Variants in UGT1A8 observed in about 807,000 individuals in gnomAD.
The protein encoded by UGT1A8 is UDP glucuronosyltransferase family 1 member A8, also known as UDP-glucuronosyltransferase 1A8.
Under a neutral mutation model 45.3 loss-of-function variants are expected in UGT1A8, and 39 were observed. The observed-to-expected ratio is 0.86, with a 90% CI of 0.67 to 1.12. UGT1A8 has a LOEUF of 1.12. Among genes scored for constraint, UGT1A8 ranks in the 50% most tolerant of loss-of-function variants. The pLI, the probability that UGT1A8 is intolerant of heterozygous loss-of-function variation, is 0.00. For synonymous variants in UGT1A8, 275 were observed against 249.2 expected, an observed-to-expected ratio of 1.10 and a Z score of -0.97; for missense variants, 719 against 664.9, an observed-to-expected ratio of 1.08 and a Z score of -0.90.
intron 1 of UGT1A8, chr2:233,691,042 C>T (rs1369045618): frequency 5.1e-6 from 5 of 989,126 alleles, no homozygotes; most frequent in South Asian, 9.3e-5. Flanking sequence ...CCAACGTCCA[C>T]AGCAGAGTGG....
At chr2:233,689,825 A>G (rs910686008) in intron 1 of UGT1A8, 10 of 450,432 alleles carry the variant, frequency 2.2e-5, no homozygotes, top group Non-Finnish European at 3.5e-5. Flanking sequence ...ACATCTCTGG[A>G]CTCTAACTTT....
intron 1 of UGT1A8, chr2:233,743,659 G>A (rs1692418215): frequency 1.5e-6 from 2 of 1,367,268 alleles, no homozygotes; most frequent in Non-Finnish European, 2.0e-6. Context: ...CGTACTCGAA[G>A]GGGTCCTCGA....
intron 1 of UGT1A8, chr2:233,760,624 T>G (rs1305127348): frequency 6.2e-7 from 1 of 1,614,172 alleles, no homozygotes; most frequent in Non-Finnish European, 8.5e-7. Flanking sequence ...GATCAAAACA[T>G]ACAAGAAAAT....
chr2:233,681,969 C>T (rs1307548052), intron 1 of UGT1A8: 9 of 1,613,970 alleles, frequency 5.6e-6, no homozygotes, highest in East Asian at 4.5e-5. Context: ...GGCCTCCTTC[C>T]CCTATATGTG....
chr2:233,634,955 A>G (rs2073252752), intron 1 of UGT1A8, among the ~76,000 whole-genome samples: 1 of 150,270 alleles, frequency 6.7e-6, no homozygotes, highest in African/African-American at 2.5e-5. Flanking sequence ...TTTTCTTTCC[A>G]TATTTAGTGC....
At chr2:233,672,569 T>C (rs928468455) in intron 1 of UGT1A8, 1 of 1,613,966 alleles carries the variant, frequency 6.2e-7, no homozygotes. Context: ...AACCACATCA[T>C]GCACTTGGAG....
chr2:233,746,266 G>A (rs573360161), intron 1 of UGT1A8, among the ~76,000 whole-genome samples: 7 of 151,810 alleles, frequency 4.6e-5, no homozygotes, highest in South Asian at 4.1e-4. Context: ...AGAACAAAAC[G>A]CTGTGGGGAT....
At chr2:233,761,241 A>G in intron 1 of UGT1A8, 1 of 1,611,640 alleles carries the variant, frequency 6.2e-7, no homozygotes, top group Non-Finnish European at 8.5e-7. Context: ...TATGCTGAGC[A>G]AGCATTCTGA....
chr2:233,720,226 G>A (rs989732732), intron 1 of UGT1A8, among the ~76,000 whole-genome samples: 1 of 152,194 alleles, frequency 6.6e-6, no homozygotes, highest in South Asian at 2.1e-4. Context: ...CATGTGATCA[G>A]AGAATGAAAC....
intron 1 of UGT1A8, among the ~76,000 whole-genome samples, chr2:233,624,142 T>C (rs528465956): frequency 1.3e-3 from 195 of 152,298 alleles, no homozygotes; most frequent in African/African-American, 4.5e-3. Flanking sequence ...CACATTATGA[T>C]GAGCTAAAGT....
intron 1 of UGT1A8, among the ~76,000 whole-genome samples, chr2:233,731,630 C>A (rs1226359620): frequency 6.6e-6 from 1 of 152,176 alleles, no homozygotes; most frequent in Non-Finnish European, 1.5e-5. Context: ...TTTTTTATGG[C>A]TGCATAGTAT....
At chr2:233,765,895 T>C (rs988320482) in intron 1 of UGT1A8, among the ~76,000 whole-genome samples, 1 of 152,066 alleles carries the variant, frequency 6.6e-6, no homozygotes, top group Non-Finnish European at 1.5e-5. Flanking sequence ...AGTGCGCCAC[T>C]GCTCAAACCT....
At chr2:233,724,741 C>T (rs1331801697) in intron 1 of UGT1A8, among the ~76,000 whole-genome samples, 1 of 144,478 alleles carries the variant, frequency 6.9e-6, no homozygotes, top group Non-Finnish European at 1.5e-5. Context: ...AGGGGCTCCT[C>T]ACATCCCAGA....
At chr2:233,751,021 C>A (rs74787288) in intron 1 of UGT1A8, among the ~76,000 whole-genome samples, 1 of 151,772 alleles carries the variant, frequency 6.6e-6, no homozygotes, top group East Asian at 1.9e-4. Flanking sequence ...AATAGTAGAT[C>A]CAATAGCTTG....
At chr2:233,694,906 C>T (rs536764426) in intron 1 of UGT1A8, among the ~76,000 whole-genome samples, 2 of 152,312 alleles carry the variant, frequency 1.3e-5, no homozygotes, top group South Asian at 2.1e-4. Context: ...TTTTGATACA[C>T]GTATACAATG....
intron 1 of UGT1A8, chr2:233,648,885 T>G: frequency 7.7e-7 from 1 of 1,293,174 alleles, no homozygotes; most frequent in East Asian, 2.7e-5. Context: ...TCCAAACACC[T>G]GTCATGGCAT....
chr2:233,679,939 G>A (rs7579530), intron 1 of UGT1A8, among the ~76,000 whole-genome samples: 97,787 of 151,998 alleles, frequency 0.64, 31,924 homozygotes, highest in African/African-American at 0.72. Context: ...TTCACAAAAA[G>A]ATGCGAGGTT....
chr2:233,632,031 C>A (rs2073195748), intron 1 of UGT1A8, among the ~76,000 whole-genome samples: 1 of 152,196 alleles, frequency 6.6e-6, no homozygotes, highest in South Asian at 2.1e-4. Context: ...AGGAAGGGGT[C>A]CAGATTCAGT....
chr2:233,692,881 G>C, intron 1 of UGT1A8: 1 of 1,505,500 alleles, frequency 6.6e-7, no homozygotes, highest in South Asian at 1.4e-5. Flanking sequence ...GTAAAATTCA[G>C]AGCAAGGGAG....
Sources: gnomAD v4.1 joint callset for allele counts (sites outside exome capture counted in the v4.1 genomes callset) on GRCh38, gnomAD v4.1.1 for gene constraint, MANE v1.5 for transcripts, NCBI Gene and HGNC (gene_info 2026-07-23, HGNC 2026-07-21) for gene names.